Variants in ELP3 observed in about 807,000 individuals in gnomAD.
ELP3 encodes elongator acetyltransferase complex subunit 3, also known as elongator complex protein 3.
In ELP3, 56 loss-of-function variants were observed where a neutral mutation model predicts 74.9. The ratio of observed to expected loss-of-function variants is 0.75; its 90% CI spans 0.60 to 0.93. The LOEUF (loss-of-function observed/expected upper bound fraction) is 0.93, where lower values mean the gene tolerates loss of function less well. ELP3 is among the 40% of genes least tolerant of loss of function. The pLI is 0.00. For synonymous variants in ELP3, 222 were observed against 239.8 expected (o/e 0.93, Z 0.68); for missense variants, 573 against 686.5 (o/e 0.83, Z 1.85).
At chr8:28,092,228 TTTG>T (rs34694415), upstream of ELP3, among the ~76,000 whole-genome samples, 55,681 of 151,376 alleles carry the variant, frequency 0.37, 10,646 homozygotes, top group African/African-American at 0.48. Context: ...AGCTTAACTT[TTTG>T]TTGTTGTTGT....
At chr8:28,104,546 T>G (rs901972473) in intron 3 of ELP3, among the ~76,000 whole-genome samples, 1 of 152,248 alleles carries the variant, frequency 6.6e-6, no homozygotes, top group African/African-American at 2.4e-5. Context: ...GTCTGGACAT[T>G]TCCTTTGTCT....
intron 10 of ELP3, among the ~76,000 whole-genome samples, chr8:28,141,977 C>G (rs577913913): frequency 5.9e-5 from 9 of 152,192 alleles, no homozygotes; most frequent in Non-Finnish European, 1.0e-4. Context: ...TTTCTCCCTT[C>G]GTTTTCGGCT....
chr8:28,110,845 G>T (rs960964237), intron 6 of ELP3: 18 of 165,038 alleles, frequency 1.1e-4, no homozygotes, highest in Non-Finnish European at 2.6e-5. Context: ...CCTTTGGAAG[G>T]CTGTGACAGC....
chr8:28,183,533 C>G (rs1815105431), intron 14 of ELP3, among the ~76,000 whole-genome samples: 1 of 152,154 alleles, frequency 6.6e-6, no homozygotes, highest in South Asian at 2.1e-4. Flanking sequence ...AAGCAATTCT[C>G]ACCCCTCAGC....
intron 6 of ELP3, 114 bp downstream of exon 6, chr8:28,110,552 C>T (rs1022440974): frequency 3.2e-6 from 3 of 936,064 alleles, no homozygotes; most frequent in Non-Finnish European, 4.8e-6. Flanking sequence ...TGTTTTTCCT[C>T]TTTGTAAGTT....
intron 14 of ELP3, among the ~76,000 whole-genome samples, chr8:28,169,502 G>C (rs1357476542): frequency 6.6e-6 from 1 of 152,096 alleles, no homozygotes; most frequent in Non-Finnish European, 1.5e-5. Flanking sequence ...TGAGCAGCTT[G>C]GTTCTTGTCC....
intron 7 of ELP3, among the ~76,000 whole-genome samples, chr8:28,115,083 G>C (rs938839505): frequency 2.0e-5 from 3 of 152,196 alleles, no homozygotes; most frequent in African/African-American, 7.2e-5. Context: ...GGGTAGGGCT[G>C]TATACTGAGG....
At position 28,119,548 on chromosome 8, in the gene ELP3, C is replaced by A. The variant is rs1282747544; in HGVS notation, c.617+6375C>A. On this transcript the variant is annotated intron_variant, in intron 7 of 14. Transcript: ENST00000256398. ...TTTTCTTTTGAAGTAAATTTACATACAGTACAAAACAACTTGTGGCGTTTT... is the reference window on the plus strand; with the variant it reads ...TTTTCTTTTGAAGTAAATTTACATAAAGTACAAAACAACTTGTGGCGTTTT... Among the ~76,000 whole-genome samples the A allele has an allele frequency of 3.2e-5, 4 of 124,580 alleles. No homozygotes were observed. In the South Asian group the frequency reaches 7.8e-4, roughly 24 times the overall value. 81.7% of individuals were successfully genotyped at this position (124,580 alleles called of 152,430 possible). A position where few individuals can be genotyped will look rare whatever the true frequency, so the allele number is the denominator to read the frequency against.
chr8:28,132,700 G>A (rs1812827667), intron 9 of ELP3, among the ~76,000 whole-genome samples: 1 of 152,080 alleles, frequency 6.6e-6, no homozygotes, highest in South Asian at 2.1e-4. Context: ...GGAAATTATT[G>A]TAATAGTTTT....
At position 28,160,265 on chromosome 8, in the gene ELP3, G is replaced by A. The variant is rs1814015864; in HGVS notation, c.1294G>A (p.Gly432Ser). The change falls in exon 13 of 15, where the codon GGC becomes AGC. Residue 432 changes from glycine to serine, a missense_variant. By Grantham distance (56) the Gly-to-Ser change is moderately conservative (BLOSUM62 0). Transcript: ENST00000256398. ...AAGGAGAGATTATGTTGCAAATGGT[G>A]GCTGGGAAACATTCTTGTCATACGA... ...LVRRDYVANG[G>S]WETFLSYEDP... 6.2e-7 allele frequency: 1 copy of A among 1,614,102 alleles called. No homozygotes were observed. The highest frequency in any genetic ancestry group is 8.5e-7 in the Non-Finnish European group (1 of 1,179,996).
chr8:28,164,248 C>T (rs1246802004), intron 14 of ELP3, among the ~76,000 whole-genome samples: 2 of 152,092 alleles, frequency 1.3e-5, no homozygotes, highest in Non-Finnish European at 2.9e-5. Context: ...TTTTTATGAG[C>T]GGGGTGATTT....
At chr8:28,187,008 G>A (rs947011100) in intron 14 of ELP3, among the ~76,000 whole-genome samples, 1 of 152,092 alleles carries the variant, frequency 6.6e-6, no homozygotes, top group Admixed American at 6.6e-5. Flanking sequence ...TCCACATGCA[G>A]CCTGACTGGA....
intron 11 of ELP3, among the ~76,000 whole-genome samples, chr8:28,156,235 T>C (rs528901522): frequency 1.3e-5 from 2 of 152,232 alleles, no homozygotes. Context: ...CATTCCCTTC[T>C]GCTTTCTTCT....
chr8:28,105,451 GA>G (rs1187365727), intron 3 of ELP3, among the ~76,000 whole-genome samples: 1 of 152,174 alleles, frequency 6.6e-6, no homozygotes, highest in African/African-American at 2.4e-5. Context: ...TCCAGCCCTG[GA>G]ATCAGCCATT....
At chr8:28,098,976 TTTC>T (rs1366397602) in intron 2 of ELP3, among the ~76,000 whole-genome samples, 1 of 152,242 alleles carries the variant, frequency 6.6e-6, no homozygotes, top group East Asian at 1.9e-4. Context: ...ATACATTAAT[TTTC>T]TTGGTACGCC....
At chr8:28,167,501 TGAAAA>T (rs1814354276) in intron 14 of ELP3, among the ~76,000 whole-genome samples, 1 of 152,206 alleles carries the variant, frequency 6.6e-6, no homozygotes, top group South Asian at 2.1e-4. Context: ...GTACTCTAGT[TGAAAA>T]GAAGGGTACA....
At chr8:28,144,797 G>C (rs577497568) in intron 10 of ELP3, among the ~76,000 whole-genome samples, 1 of 152,348 alleles carries the variant, frequency 6.6e-6, no homozygotes, top group Admixed American at 6.5e-5. Context: ...CCAGCAGTTT[G>C]GAAGGCCAAG....
chr8:28,092,343 C>A (rs902038620), upstream of ELP3, among the ~76,000 whole-genome samples: 1 of 152,166 alleles, frequency 6.6e-6, no homozygotes, highest in South Asian at 2.1e-4. Context: ...ATTCTCCTGC[C>A]TTAGCCTCCC....
chr8:28,162,055 C>T lies in ELP3; in HGVS notation c.1544C>T (p.Ser515Phe), dbSNP rs768743297. Residue 515 changes from serine to phenylalanine, a missense_variant, in exon 14 of 15, where the codon TCT (serine) becomes TTT (phenylalanine). Coordinates refer to ENST00000256398, the MANE Select transcript of ELP3 (RefSeq NM_018091.6). ...AERIAREEHG[S>F]GKIAVISGVG... is the part of the protein sequence containing the mutation. ...AGAATAGCTAGAGAAGAACATGGGT[C>T]TGGGAAAATCGCTGTGATATCAGGT... 3.1e-6 allele frequency: 5 copies of T among 1,614,146 alleles called. No homozygotes were observed. The highest frequency in any genetic ancestry group is 4.2e-6 in the Non-Finnish European group (5 of 1,179,998).
Sources: gnomAD v4.1 joint callset for allele counts (sites outside exome capture counted in the v4.1 genomes callset) on GRCh38, gnomAD v4.1.1 for gene constraint, MANE v1.5 for transcripts, NCBI Gene and HGNC (gene_info 2026-07-23, HGNC 2026-07-21) for gene names.